Variants in TMEM63B observed in about 807,000 individuals in gnomAD.
TMEM63B encodes the protein transmembrane protein 63B, also known as mechanosensitive cation channel TMEM63B.
Under a neutral mutation model 102.6 loss-of-function variants are expected in TMEM63B, and 23 were observed. The ratio of observed to expected loss-of-function variants is 0.22; its 90% CI spans 0.16 to 0.32. TMEM63B has a LOEUF of 0.32. Among genes scored for constraint, TMEM63B ranks in the 10% least tolerant of loss-of-function variants. The probability of loss-of-function intolerance (pLI) is 1.00; values close to 1 mark genes in which losing one functional copy is unlikely to be tolerated. For synonymous variants in TMEM63B, 444 were observed against 437.0 expected, an observed-to-expected ratio of 1.02 and a Z score of -0.20; for missense variants, 628 against 1,095.9, an observed-to-expected ratio of 0.57 and a Z score of 6.03.
Position 44,146,816 on chromosome 6 carries a change from T to C in TMEM63B, c.783-31T>C. ...GTCAGGGGCAGGTGGGTGGGGTCCC[T>C]GCACAAGATGATACATGAACTGTGT... On this transcript the variant is annotated intron_variant, in intron 10 of 23. Transcript: ENST00000323267. The C allele has an allele frequency of 2.5e-6, 4 of 1,612,050 alleles. No individual in the cohort carries two copies. The South Asian group carries it at 4.4e-5, about 18-fold the overall frequency.
chr6:44,149,100 T>G, intron 15 of TMEM63B, 155 bp downstream of exon 15: 1 of 1,122,950 alleles, frequency 8.9e-7, no homozygotes, highest in South Asian at 1.4e-5. Flanking sequence ...GCACTTCCCT[T>G]GGGCTCCCTG....
At chr6:44,143,414 C>A (rs1348839299) in intron 10 of TMEM63B, among the ~76,000 whole-genome samples, 1 of 152,076 alleles carries the variant, frequency 6.6e-6, no homozygotes, top group African/African-American at 2.4e-5. Flanking sequence ...CATTAAAGGG[C>A]ACTCTGGGTC....
chr6:44,152,821 G>A lies in TMEM63B; in HGVS notation c.1942+123G>A, dbSNP rs530720534. 5 of 784,396 alleles carry A rather than the reference G, an allele frequency of 6.4e-6. No individual in the cohort carries two copies. The highest frequency in any genetic ancestry group is 5.2e-5 in the African/African-American group (3 of 57,670). The allele number at this position is 784,396 out of a possible 1,614,324, so 48.6% of individuals were successfully genotyped here. On this transcript the variant is annotated intron_variant, in intron 20 of 23. Coordinates refer to ENST00000323267, the MANE Select transcript of TMEM63B (RefSeq NM_018426.3). This position sits in a 1 kb window ranked among gnomAD's most constrained non-coding sequence, Gnocchi z 6.4. Reference sequence around the variant, plus strand: ...CCCGGCTGGGAGACCGGCCCCTCGGGGCTCCCGCCCGGTCCCTGGCTCAGT... The same window carrying A: ...CCCGGCTGGGAGACCGGCCCCTCGGAGCTCCCGCCCGGTCCCTGGCTCAGT...
At chr6:44,135,237 G>T in intron 3 of TMEM63B, 91 bp from the exon 4 acceptor site, 1 of 1,566,812 alleles carries the variant, frequency 6.4e-7, no homozygotes, top group Non-Finnish European at 8.7e-7. Context: ...GGGCATGGGG[G>T]CATGAGGGCC....
intron 11 of TMEM63B, 78 bp downstream of exon 11, chr6:44,147,005 C>T (rs1765552330): frequency 2.0e-6 from 3 of 1,478,562 alleles, no homozygotes; most frequent in Admixed American, 3.4e-5. Flanking sequence ...ACCACACAGG[C>T]TCCCCTTCTA....
chr6:44,145,693 T>G (rs778779316), intron 10 of TMEM63B, among the ~76,000 whole-genome samples: 4 of 152,142 alleles, frequency 2.6e-5, no homozygotes, highest in Non-Finnish European at 5.9e-5. Flanking sequence ...GCCCACACTT[T>G]GGGAAGCTGA....
In TMEM63B at chr6:44,150,201, G is replaced by A. The variant is rs1015602545; in HGVS notation, c.1521-23G>A. On this transcript the variant is annotated intron_variant, in intron 16 of 23. Transcript: ENST00000323267. The surrounding 1 kb of genome is among the most constrained non-coding windows in gnomAD (Gnocchi z 4.7). ...GGCCTGGGCTCACTTGACCTGTACCGTTCCCTGCTCCCCTCCCTCCAGCTC... is the reference window on the plus strand; with the variant it reads ...GGCCTGGGCTCACTTGACCTGTACCATTCCCTGCTCCCCTCCCTCCAGCTC... The A allele has an allele frequency of 1.9e-5, 30 of 1,607,094 alleles. No homozygotes were observed. Among genetic ancestry groups the A allele is most frequent in the Admixed American group, 5.0e-5 (3 of 59,984 alleles).
chr6:44,138,338 TGAGGGTATAAGGA>T, intron 5 of TMEM63B, 129 bp from the exon 6 acceptor site: 1 of 1,039,588 alleles, frequency 9.6e-7, no homozygotes, highest in Non-Finnish European at 1.5e-6. Context: ...AAGCTAGTTC[TGAGGGTATAAGGA>T]TTTTTTTTTA....
intron 1 of TMEM63B, among the ~76,000 whole-genome samples, chr6:44,131,369 C>T (rs1285046966): frequency 6.6e-6 from 1 of 152,130 alleles, no homozygotes; most frequent in Non-Finnish European, 1.5e-5. Flanking sequence ...TCCATCTTCC[C>T]CTCCTCCCCT....
rs567563400 is a variant in TMEM63B at position 44,138,736 on chromosome 6, G to GTCCCCC, written c.407+219_407+220insTCCCCC. On this transcript the variant is annotated intron_variant, in intron 6 of 23. Transcript: ENST00000323267. ...TAATCTCCTCTGTGACCCCCTGCCG[G>GTCCCCC]CCCCCCCGCTTCTCTCCCTGCCCTG... 250 of 288,216 alleles carry GTCCCCC rather than the reference G, an allele frequency of 8.7e-4. 2 individuals are homozygous for GTCCCCC. The highest frequency in any genetic ancestry group is 1.1e-3 in the South Asian group (31 of 28,826). 17.9% of individuals were successfully genotyped at this position (288,216 alleles called of 1,614,324 possible).
chr6:44,142,905 G>A (rs1040302389), intron 10 of TMEM63B, among the ~76,000 whole-genome samples: 1 of 152,224 alleles, frequency 6.6e-6, no homozygotes, highest in Non-Finnish European at 1.5e-5. Flanking sequence ...CAACTACTCA[G>A]GTGACTGAGG....
In TMEM63B at chr6:44,152,897, A is replaced by G. The variant is rs567201539; in HGVS notation, c.1942+199A>G. On this transcript the variant is annotated intron_variant, in intron 20 of 23. Coordinates refer to ENST00000323267, the MANE Select transcript of TMEM63B (RefSeq NM_018426.3). The surrounding 1 kb of genome is among the most constrained non-coding windows in gnomAD (Gnocchi z 6.4). ...GGGGAGAGCCATCAGCTCAGGCCAG[A>G]CCCAGCTGGCATGTGGGCCCCAGGG... Among the ~76,000 whole-genome samples, 8 of 152,170 alleles carry G rather than the reference A, an allele frequency of 5.3e-5. No homozygotes were observed. The highest frequency in any genetic ancestry group is 3.3e-4 in the Admixed American group (5 of 15,292).
At chr6:44,134,913 T>C (rs1762620842) in intron 2 of TMEM63B, 104 bp from the exon 3 acceptor site, 2 of 1,507,672 alleles carry the variant, frequency 1.3e-6, no homozygotes, top group Admixed American at 1.8e-5. Flanking sequence ...CAAGCCAGGG[T>C]CATCCCCTTC....
intron 10 of TMEM63B, 40 bp downstream of exon 10, chr6:44,141,138 G>A: frequency 6.3e-7 from 1 of 1,595,912 alleles, no homozygotes; most frequent in Non-Finnish European, 8.6e-7. Flanking sequence ...AAGCCCTGCT[G>A]CAGAGCCTTC....
chr6:44,133,531 T>C (rs1762345452), intron 1 of TMEM63B, among the ~76,000 whole-genome samples: 1 of 152,202 alleles, frequency 6.6e-6, no homozygotes, highest in East Asian at 1.9e-4. Flanking sequence ...GGGGCAGTGC[T>C]GCATCTGTTG....
In TMEM63B at chr6:44,127,577, G is replaced by T. The variant is rs1276064877; in HGVS notation, c.-126G>T. On this transcript the variant is annotated 5_prime_UTR_variant, in exon 1 of 24. Transcript: ENST00000323267. ...CCATACACTGCCGCGGCCGCCGCAG[G>T]AGCCCGGAGCTCGAGCCGCCCAGCG... The T allele has an allele frequency of 7.6e-6, 1 of 130,966 alleles. No individual in the cohort carries two copies. Among genetic ancestry groups the T allele is most frequent in the Non-Finnish European group, 1.6e-5 (1 of 61,960 alleles). The allele number at this position is 130,966 out of a possible 1,614,324, so 8.1% of individuals were successfully genotyped here. A position where few individuals can be genotyped will look rare whatever the true frequency, so the allele number is the denominator to read the frequency against.
intron 1 of TMEM63B, chr6:44,132,239 G>A: frequency 1.0e-6 from 1 of 984,894 alleles, no homozygotes; most frequent in Middle Eastern, 5.2e-4. Context: ...ATGCTGTTGT[G>A]GAGGGGAGAG....
intron 8 of TMEM63B, 83 bp from the exon 9 acceptor site, chr6:44,140,169 G>T: frequency 8.9e-7 from 1 of 1,121,912 alleles, no homozygotes; most frequent in Admixed American, 1.9e-5. Context: ...TGTATCAAGG[G>T]TTTAACACTG....
Position 44,153,959 on chromosome 6 carries a change from T to TG in TMEM63B, c.2111-110dup, listed in dbSNP as rs1032847757. 58 of 1,559,388 alleles carry TG rather than the reference T, an allele frequency of 3.7e-5. No homozygotes were observed. The Admixed American group carries it at 4.9e-4, about 13-fold the overall frequency. The stretch of plus-strand genomic sequence containing the variant: ...GGCAGGCAAGGGGCCTGGGAGAGGC[T>TG]GGGGCCAGTCTGTAGCACCTGGGAG... On this transcript the variant is annotated intron_variant, in intron 21 of 23. Coordinates refer to ENST00000323267, the MANE Select transcript of TMEM63B (RefSeq NM_018426.3).
Sources: gnomAD v4.1 joint callset for allele counts (sites outside exome capture counted in the v4.1 genomes callset) on GRCh38, gnomAD v4.1.1 for gene constraint, Gnocchi (gnomAD v3.1) non-coding constraint, MANE v1.5 for transcripts, NCBI Gene and HGNC (gene_info 2026-07-23, HGNC 2026-07-21) for gene names.